The following KALRN variants were observed in gnomAD, a reference collection of about 807,000 sequenced individuals.
KALRN encodes kalirin RhoGEF kinase.
Under a neutral mutation model 353.7 loss-of-function variants are expected in KALRN, and 70 were observed. The ratio of observed to expected loss-of-function variants is 0.20; its 90% confidence interval spans 0.16 to 0.24. The LOEUF (loss-of-function observed/expected upper bound fraction) is 0.24. KALRN is among the 10% of genes least tolerant of loss of function. KALRN has a pLI of 1.00. For synonymous variants in KALRN, 1,391 were observed against 1,434.8 expected (o/e 0.97, Z 0.69); for missense variants, 2,791 against 3,756.7 (o/e 0.74, Z 6.72).
intron 13 of KALRN, among the ~76,000 whole-genome samples, chr3:124,404,480 G>C (rs1278010338): frequency 6.6e-6 from 1 of 151,896 alleles, no homozygotes; most frequent in East Asian, 1.9e-4. Flanking sequence ...ACTGGCTCTG[G>C]TGCAGCCCAG....
chr3:124,399,732 CAT>C (rs1220135846), intron 13 of KALRN, among the ~76,000 whole-genome samples: 7 of 152,216 alleles, frequency 4.6e-5, no homozygotes, highest in Admixed American at 2.0e-4. Context: ...TAGTTCATCT[CAT>C]AAACTCCTCA....
chr3:124,372,749 GT>G (rs1560719857), intron 10 of KALRN, among the ~76,000 whole-genome samples: 1 of 151,978 alleles, frequency 6.6e-6, no homozygotes, highest in East Asian at 1.9e-4. Context: ...GTCATTTCTG[GT>G]TTTCATTTCT....
At chr3:124,265,227 A>G (rs1315038411) in intron 4 of KALRN, among the ~76,000 whole-genome samples, 5 of 149,950 alleles carry the variant, frequency 3.3e-5, no homozygotes, top group African/African-American at 4.9e-5. Context: ...CTACTGTGCT[A>G]TTGAATACTA....
In KALRN at chr3:124,717,449, G is replaced by A. The variant is rs534414734; in HGVS notation, c.8415+64G>A. On this transcript the variant is annotated intron_variant, in intron 59 of 59. Transcript: ENST00000682506. ...CGCCTGAAATCCCAGCACTTTGGGA[G>A]GCCAAGGTGGGCGGATCACAAGGTC... 140 of 1,179,814 alleles carry A rather than the reference G, an allele frequency of 1.2e-4. No homozygotes were observed. In the East Asian group the frequency reaches 3.2e-3, roughly 27 times the overall value. The allele number at this position is 1,179,814 out of a possible 1,614,324, so 73.1% of individuals were successfully genotyped here.
chr3:124,052,734 G>A (rs912656119), intron 1 of KALRN, among the ~76,000 whole-genome samples: 4 of 151,868 alleles, frequency 2.6e-5, no homozygotes, highest in African/African-American at 9.7e-5. Context: ...GTACACTAAA[G>A]CATTCCAGTT....
chr3:124,299,302 T>C (rs1334476832), intron 6 of KALRN, among the ~76,000 whole-genome samples: 1 of 152,118 alleles, frequency 6.6e-6, no homozygotes, highest in Non-Finnish European at 1.5e-5. Flanking sequence ...AATGGTTGAG[T>C]GACCCGGGGC....
chr3:124,446,455 T>C (rs2093842607), intron 20 of KALRN, among the ~76,000 whole-genome samples, 179 bp downstream of exon 20: 1 of 152,218 alleles, frequency 6.6e-6, no homozygotes, highest in Non-Finnish European at 1.5e-5. Flanking sequence ...CTCTATGTTT[T>C]GAGTTTGGTA....
intron 16 of KALRN, among the ~76,000 whole-genome samples, chr3:124,431,296 G>A (rs1211680792): frequency 6.6e-6 from 1 of 152,134 alleles, no homozygotes; most frequent in African/African-American, 2.4e-5. Context: ...TTTTTACCCC[G>A]CTGAAAGCAG....
chr3:124,694,822 C>T (rs1382916634), intron 53 of KALRN, among the ~76,000 whole-genome samples: 1 of 152,180 alleles, frequency 6.6e-6, no homozygotes, highest in African/African-American at 2.4e-5. Flanking sequence ...GTGCTCCAGA[C>T]CCACATTAAA....
chr3:124,160,356 T>A (rs1442483759), intron 1 of KALRN, among the ~76,000 whole-genome samples: 1 of 151,954 alleles, frequency 6.6e-6, no homozygotes, highest in Non-Finnish European at 1.5e-5. Context: ...ATCTCTTGAA[T>A]GTTCACGTTT....
At chr3:124,607,317 T>TCAC (rs34749045) in intron 34 of KALRN, among the ~76,000 whole-genome samples, 7,018 of 151,672 alleles carry the variant, frequency 0.046, 197 homozygotes, top group Middle Eastern at 0.079. Context: ...AGTATAAACA[T>TCAC]TGTGCAAGAA....
Position 124,562,956 on chromosome 3 carries a change from G to T in KALRN, c.5049G>T (p.Glu1683Asp). The T allele has an allele frequency of 7.3e-7, 1 of 1,367,936 alleles. No individual in the cohort carries two copies. Among genetic ancestry groups the T allele is most frequent in the Non-Finnish European group, 9.8e-7 (1 of 1,022,024 alleles). The allele number at this position is 1,367,936 out of a possible 1,614,324, so 84.7% of individuals were successfully genotyped here. Residue 1683 changes from glutamate to aspartate, a missense_variant, in exon 34 of 60, where the codon GAG becomes GAT. Coordinates refer to ENST00000682506, the MANE Select transcript of KALRN (RefSeq NM_001388419.1). ...TAGAGCTGCTGGAGCGGCCCAGCGAGCGGCCTGGTTGGTGTCTGGTCCGTA... is the reference window on the plus strand; with the variant it reads ...TAGAGCTGCTGGAGCGGCCCAGCGATCGGCCTGGTTGGTGTCTGGTCCGTA... ...QTVELLERPS[E>D]RPGWCLVRTT...
At chr3:124,396,080 T>G (rs1428474832) in intron 12 of KALRN, among the ~76,000 whole-genome samples, 1 of 152,164 alleles carries the variant, frequency 6.6e-6, no homozygotes, top group African/African-American at 2.4e-5. Flanking sequence ...ACCAACCCCA[T>G]GCCTAGGTGC....
At chr3:124,346,534 G>C (rs2082279180) in intron 9 of KALRN, among the ~76,000 whole-genome samples, 2 of 152,174 alleles carry the variant, frequency 1.3e-5, no homozygotes, top group East Asian at 3.9e-4. Context: ...TTGTTTGGTT[G>C]GTTGGTTGGT....
At chr3:124,565,612 G>A (rs867460455) in intron 34 of KALRN, among the ~76,000 whole-genome samples, 1 of 152,192 alleles carries the variant, frequency 6.6e-6, no homozygotes. Context: ...TTCATTTGCC[G>A]CAAAAGGCTA....
chr3:124,618,611 A>T (rs190025082), intron 34 of KALRN, among the ~76,000 whole-genome samples: 18 of 152,348 alleles, frequency 1.2e-4, no homozygotes, highest in Admixed American at 1.2e-3. Context: ...ATATTACTAG[A>T]TAAGCTAATA....
intron 10 of KALRN, among the ~76,000 whole-genome samples, chr3:124,352,484 A>G (rs891823899): frequency 6.6e-6 from 1 of 152,240 alleles, no homozygotes; most frequent in Non-Finnish European, 1.5e-5. Flanking sequence ...AATATATATT[A>G]TCTAAAGCCT....
chr3:124,234,386 A>T (rs2079517694), intron 2 of KALRN, among the ~76,000 whole-genome samples: 1 of 152,110 alleles, frequency 6.6e-6, no homozygotes. Flanking sequence ...CATCACAAGC[A>T]CTCCCACCTC....
At chr3:124,643,228 G>A (rs1247546025) in intron 37 of KALRN, among the ~76,000 whole-genome samples, 1 of 152,076 alleles carries the variant, frequency 6.6e-6, no homozygotes, top group African/African-American at 2.4e-5. Context: ...GCCCGGGCTG[G>A]TCTCAAATTC....
Sources: allele counts gnomAD v4.1 joint callset (sites outside exome capture counted in the v4.1 genomes callset), GRCh38; gene constraint gnomAD v4.1.1; transcripts MANE v1.5; gene names NCBI Gene and HGNC (gene_info 2026-07-23, HGNC 2026-07-21).